The following ARHGAP6 variants were observed in gnomAD, a reference collection of about 807,000 sequenced individuals.
The protein encoded by ARHGAP6 is Rho GTPase activating protein 6.
In ARHGAP6, 16 loss-of-function variants were observed where a neutral mutation model predicts 55.7. That is an observed-to-expected ratio of 0.29 (90% CI 0.19 to 0.44). The LOEUF is 0.44. Among genes scored for constraint, ARHGAP6 ranks in the 20% least tolerant of loss-of-function variants. The pLI, the probability that ARHGAP6 is intolerant of heterozygous loss-of-function variation, is 1.00. For synonymous variants in ARHGAP6, 382 were observed against 360.9 expected (o/e 1.06, Z -0.66); for missense variants, 698 against 808.9 (o/e 0.86, Z 1.66).
At chrX:11,166,705 G>A (rs928894804) in intron 9 of ARHGAP6, among the ~76,000 whole-genome samples, 2 of 112,199 alleles carry the variant, frequency 1.8e-5, no homozygotes, top group Admixed American at 1.9e-4. Context: ...AGGAAGGGAA[G>A]TCAGTGCTAG....
chrX:11,229,848 C>T (rs1269174278), intron 2 of ARHGAP6, among the ~76,000 whole-genome samples: 1 of 110,988 alleles, frequency 9.0e-6, no homozygotes, highest in Non-Finnish European at 1.9e-5. Context: ...CAAGGTTTTC[C>T]AAGTTAAAGA....
intron 1 of ARHGAP6, among the ~76,000 whole-genome samples, chrX:11,511,975 T>C (rs778114948): frequency 1.1e-3 from 122 of 111,108 alleles, no homozygotes; most frequent in Middle Eastern, 4.6e-3. Flanking sequence ...TACAGGTGCC[T>C]GCCACCACAC....
intron 1 of ARHGAP6, among the ~76,000 whole-genome samples, chrX:11,288,857 A>G (rs896361100): frequency 8.9e-6 from 1 of 112,462 alleles, no homozygotes; most frequent in African/African-American, 3.2e-5. Context: ...TGGCTGAACA[A>G]TATTTTAAAA....
rs779665137 is a variant in ARHGAP6, at chrX:11,590,877, A to G, written c.588+73364T>C. On this transcript the variant is annotated intron_variant, in intron 1 of 12. Transcript: ENST00000337414. ...AAAAGAAAAGAAAAGAAGGAAAGAA[A>G]GAAAGAAAGAAAGAAAGAAAGAAAG... is the stretch of plus-strand genomic sequence containing the variant. Among the ~76,000 whole-genome samples the G allele has an allele frequency of 1.6e-3, 108 of 67,253 alleles. 8 individuals carry two copies. The highest frequency in any genetic ancestry group is 0.016 in the Middle Eastern group (2 of 126). 58.4% of individuals were successfully genotyped at this position (67,253 alleles called of 115,157 possible).
At position 11,196,796 on chromosome X, in the gene ARHGAP6, T is replaced by C. The variant is rs2046547511; in HGVS notation, c.820+129A>G. 45 of 485,641 alleles carry C rather than the reference T, an allele frequency of 9.3e-5. No individual in the cohort carries two copies. The East Asian group carries it at 1.7e-3, about 18-fold the overall frequency. The allele number at this position is 485,641 out of a possible 1,213,427, so 40.0% of individuals were successfully genotyped here. A position where few individuals can be genotyped will look rare whatever the true frequency, so the allele number is the denominator to read the frequency against. Reference sequence around the variant, plus strand: ...TAGACCAAAACAGCCCTTAATGACATTCCACTGTAGAAATCCAGTTTTCAT... The same window carrying C: ...TAGACCAAAACAGCCCTTAATGACACTCCACTGTAGAAATCCAGTTTTCAT... On this transcript the variant is annotated intron_variant, in intron 3 of 12. Coordinates refer to ENST00000337414, the MANE Select transcript of ARHGAP6 (RefSeq NM_013427.3).
chrX:11,633,146 T>A (rs1251419460), intron 1 of ARHGAP6, among the ~76,000 whole-genome samples: 1 of 112,394 alleles, frequency 8.9e-6, no homozygotes, highest in Non-Finnish European at 1.9e-5. Context: ...TCCCTACAAA[T>A]CACTAGCACT....
intron 1 of ARHGAP6, among the ~76,000 whole-genome samples, chrX:11,476,945 C>A (rs994588931): frequency 7.2e-5 from 8 of 110,598 alleles, no homozygotes; most frequent in African/African-American, 2.3e-4. Context: ...AAAAACCCAA[C>A]AAGAACAGAT....
chrX:11,521,630 T>A (rs1302657630), intron 1 of ARHGAP6, among the ~76,000 whole-genome samples: 2 of 110,996 alleles, frequency 1.8e-5, no homozygotes, highest in African/African-American at 6.6e-5. Flanking sequence ...AGGATTGACT[T>A]AGCGATGTGG....
intron 1 of ARHGAP6, among the ~76,000 whole-genome samples, chrX:11,427,182 G>A (rs1051805235): frequency 3.6e-5 from 4 of 111,018 alleles, no homozygotes; most frequent in African/African-American, 6.6e-5. Flanking sequence ...TCTTATTCTC[G>A]TCCTTTCAAC....
chrX:11,525,374 T>C (rs1381276795), intron 1 of ARHGAP6, among the ~76,000 whole-genome samples: 1 of 112,230 alleles, frequency 8.9e-6, no homozygotes, highest in Admixed American at 9.5e-5. Flanking sequence ...TCTTGAGATG[T>C]TGAAGTCTGC....
intron 8 of ARHGAP6, among the ~76,000 whole-genome samples, chrX:11,170,080 T>C (rs919850469): frequency 9.0e-6 from 1 of 111,686 alleles, no homozygotes; most frequent in Admixed American, 9.5e-5. Flanking sequence ...GCACCTATCA[T>C]AGGCTGGGCA....
At chrX:11,323,266 A>C (rs1165307945) in intron 1 of ARHGAP6, among the ~76,000 whole-genome samples, 1 of 112,687 alleles carries the variant, frequency 8.9e-6, no homozygotes, top group Non-Finnish European at 1.9e-5. Flanking sequence ...TTCATAGAAA[A>C]TATGCATTAT....
chrX:11,214,276 C>CAG (rs1220545089), intron 2 of ARHGAP6, among the ~76,000 whole-genome samples: 1 of 109,921 alleles, frequency 9.1e-6, no homozygotes, highest in Non-Finnish European at 1.9e-5. Context: ...CACACACACA[C>CAG]ACACACACGT....
chrX:11,489,190 T>G (rs770838546), intron 1 of ARHGAP6, among the ~76,000 whole-genome samples: 12 of 111,399 alleles, frequency 1.1e-4, no homozygotes, highest in Non-Finnish European at 2.3e-4. Flanking sequence ...AATTTAGAAC[T>G]AGACAAGGAA....
At chrX:11,533,299 T>C in intron 1 of ARHGAP6, among the ~76,000 whole-genome samples, 1 of 111,892 alleles carries the variant, frequency 8.9e-6, no homozygotes, top group Non-Finnish European at 1.9e-5. Flanking sequence ...TAGTATGTTG[T>C]GTAATATAAT....
At chrX:11,551,352 T>C (rs760884615) in intron 1 of ARHGAP6, among the ~76,000 whole-genome samples, 2 of 111,808 alleles carry the variant, frequency 1.8e-5, no homozygotes, top group Admixed American at 9.5e-5. Context: ...GCCAGCAAAT[T>C]AGAAAATTCC....
Position 11,664,416 on chromosome X carries a change from T to A in ARHGAP6, c.413A>T (p.Asp138Val). ...TGGCCCGGCCAGGACAGAAGGCAGG[T>A]CCCAGGCCATGCTCTTCTTGAGGCC... is the stretch of plus-strand genomic sequence containing the variant. ...RGGLKKSMAW[D>V]LPSVLAGPAS... The change falls in exon 1 of 13, where the codon GAC (aspartate) becomes GTC (valine). Residue 138 changes from aspartate (D) to valine (V), a missense_variant. By Grantham distance (152) the Asp-to-Val change is radical (BLOSUM62 -3). This residue lies in a region of ARHGAP6 where 164 missense variants were observed against 149.2 expected (regional missense o/e 1.10). Transcript: ENST00000337414. The A allele has an allele frequency of 8.3e-7, 1 of 1,211,418 alleles. No individual in the cohort carries two copies.
intron 8 of ARHGAP6, among the ~76,000 whole-genome samples, chrX:11,170,390 C>T (rs892739242): frequency 8.9e-6 from 1 of 112,005 alleles, no homozygotes; most frequent in Non-Finnish European, 1.9e-5. Flanking sequence ...TAAAATACGT[C>T]ATGGAGCCCC....
chrX:11,161,824 T>A lies in ARHGAP6; in HGVS notation c.1810-5198A>T, dbSNP rs747317638. ...TAACACTTCTTTTGGGTAACTCAGT[T>A]ATGGGATTTTCTCTTGCTATGCCTC... is the stretch of plus-strand genomic sequence containing the variant. On this transcript the variant is annotated intron_variant, in intron 9 of 12. Coordinates refer to ENST00000337414, the MANE Select transcript of ARHGAP6 (RefSeq NM_013427.3). Among the ~76,000 whole-genome samples, 3 of 111,901 alleles carry A rather than the reference T, an allele frequency of 2.7e-5. No individual in the cohort carries two copies. The East Asian group carries it at 8.4e-4, about 31-fold the overall frequency.
Sources: allele counts gnomAD v4.1 joint callset (sites outside exome capture counted in the v4.1 genomes callset), GRCh38; gene constraint gnomAD v4.1.1; regional missense constraint gnomAD v4.1.1; transcripts MANE v1.5; gene names NCBI Gene and HGNC (gene_info 2026-07-23, HGNC 2026-07-21).